SNTG2: variants seen among roughly 807,000 people sequenced by gnomAD.
The protein encoded by SNTG2 is syntrophin gamma 2, also known as gamma-2-syntrophin.
SNTG2 carries 74 observed loss-of-function variants against 70.9 expected under a neutral mutation model. The observed-to-expected ratio is 1.04, with a 90% confidence interval of 0.86 to 1.27. The LOEUF (loss-of-function observed/expected upper bound fraction) is 1.27, where lower values mean the gene tolerates loss of function less well. Among genes scored for constraint, SNTG2 ranks in the 50% most tolerant of loss-of-function variants. The pLI is 0.00. For missense variants in SNTG2, 717 were observed against 690.7 expected (o/e 1.04, Z -0.43); for synonymous variants, 278 against 273.8 (o/e 1.02, Z -0.15).
chr2:1,195,506 C>A (rs1382347791), intron 8 of SNTG2, among the ~76,000 whole-genome samples: 1 of 152,172 alleles, frequency 6.6e-6, no homozygotes, highest in East Asian at 1.9e-4. Context: ...TGGTTGTTGG[C>A]TGCATAAATG....
At chr2:1,284,127 A>G (rs540182382) in intron 14 of SNTG2, among the ~76,000 whole-genome samples, 1 of 152,076 alleles carries the variant, frequency 6.6e-6, no homozygotes, top group Non-Finnish European at 1.5e-5. Context: ...CTGGCAATTT[A>G]TTTCTCCAAA....
At chr2:1,265,031 C>T (rs905802061) in intron 13 of SNTG2, among the ~76,000 whole-genome samples, 2 of 152,204 alleles carry the variant, frequency 1.3e-5, no homozygotes, top group Admixed American at 6.5e-5. Flanking sequence ...TGAGAGTTGG[C>T]GCCCCTAACC....
chr2:981,681 G>A (rs1558292144), intron 1 of SNTG2, among the ~76,000 whole-genome samples: 1 of 152,066 alleles, frequency 6.6e-6, no homozygotes, highest in Non-Finnish European at 1.5e-5. Context: ...CTGCATACAT[G>A]TGAGTGCACA....
intron 14 of SNTG2, among the ~76,000 whole-genome samples, chr2:1,271,373 A>G (rs992763598): frequency 1.3e-5 from 2 of 152,100 alleles, no homozygotes; most frequent in Non-Finnish European, 2.9e-5. Context: ...GTACATTTTC[A>G]TGTCAATTTA....
At chr2:958,467 G>C (rs1311106976) in intron 1 of SNTG2, among the ~76,000 whole-genome samples, 1 of 152,088 alleles carries the variant, frequency 6.6e-6, no homozygotes, top group African/African-American at 2.4e-5. Flanking sequence ...CTCCAGATTT[G>C]GTGCTTCAAG....
At chr2:1,091,080 C>G (rs1485161149) in intron 2 of SNTG2, among the ~76,000 whole-genome samples, 4 of 152,070 alleles carry the variant, frequency 2.6e-5, no homozygotes, top group African/African-American at 9.7e-5. Context: ...CATGTCTGCT[C>G]TGTGATATGG....
intron 16 of SNTG2, among the ~76,000 whole-genome samples, chr2:1,329,471 GAGAA>G (rs2148281988): frequency 6.6e-6 from 1 of 152,296 alleles, no homozygotes; most frequent in Admixed American, 6.5e-5. Flanking sequence ...GGGTCAGCTT[GAGAA>G]AGAAAGTTCT....
chr2:1,145,913 T>C (rs1252972871), intron 6 of SNTG2, among the ~76,000 whole-genome samples: 2 of 152,240 alleles, frequency 1.3e-5, no homozygotes, highest in Non-Finnish European at 2.9e-5. Flanking sequence ...TGGAAATTAA[T>C]GTAATTTATC....
At chr2:1,158,744 A>G (rs1670067528) in intron 6 of SNTG2, among the ~76,000 whole-genome samples, 1 of 152,116 alleles carries the variant, frequency 6.6e-6, no homozygotes, top group Non-Finnish European at 1.5e-5. Flanking sequence ...ATAAAGGGGA[A>G]TGTAAGGCTG....
At chr2:1,218,432 C>T (rs1450991951) in intron 9 of SNTG2, among the ~76,000 whole-genome samples, 1 of 152,164 alleles carries the variant, frequency 6.6e-6, no homozygotes, top group Non-Finnish European at 1.5e-5. Flanking sequence ...TCTGGAAAGC[C>T]CATAGCACGT....
At chr2:1,161,877 A>G (rs1196729241) in intron 6 of SNTG2, among the ~76,000 whole-genome samples, 3 of 152,112 alleles carry the variant, frequency 2.0e-5, no homozygotes, top group Admixed American at 1.3e-4. Flanking sequence ...GATCGAGACC[A>G]TCCTGGCTAA....
At chr2:1,006,978 G>A (rs550504584) in intron 1 of SNTG2, among the ~76,000 whole-genome samples, 1 of 152,176 alleles carries the variant, frequency 6.6e-6, no homozygotes, top group Admixed American at 6.5e-5. Context: ...TCAGTGAGCC[G>A]AGATTGTGCC....
intron 1 of SNTG2, among the ~76,000 whole-genome samples, chr2:1,080,903 T>G (rs1664245502): frequency 6.6e-6 from 1 of 152,160 alleles, no homozygotes; most frequent in Admixed American, 6.5e-5. Context: ...GACATACTTC[T>G]GAGCTCCATT....
intron 8 of SNTG2, among the ~76,000 whole-genome samples, chr2:1,206,126 T>C (rs1673619012): frequency 6.6e-6 from 1 of 152,202 alleles, no homozygotes; most frequent in Non-Finnish European, 1.5e-5. Context: ...GGTAGGAACA[T>C]GCCTCATTAT....
At chr2:990,555 T>C (rs1661456385) in intron 1 of SNTG2, among the ~76,000 whole-genome samples, 1 of 152,184 alleles carries the variant, frequency 6.6e-6, no homozygotes, top group Admixed American at 6.5e-5. Flanking sequence ...CATGACCTAA[T>C]AATCTCCCAA....
At chr2:1,102,248 G>C (rs1259592008) in intron 4 of SNTG2, among the ~76,000 whole-genome samples, 1 of 152,182 alleles carries the variant, frequency 6.6e-6, no homozygotes. Flanking sequence ...GAGTAAGAGA[G>C]TCAGCTGAAG....
chr2:1,255,143 C>T (rs1677979369), intron 12 of SNTG2, among the ~76,000 whole-genome samples: 1 of 152,018 alleles, frequency 6.6e-6, no homozygotes. Flanking sequence ...GTCTGGATTT[C>T]AGGAAGCCAT....
At chr2:956,609 G>C (rs1432269075) in intron 1 of SNTG2, among the ~76,000 whole-genome samples, 1 of 152,254 alleles carries the variant, frequency 6.6e-6, no homozygotes, top group Non-Finnish European at 1.5e-5. Flanking sequence ...CTGTGAATGG[G>C]CCCATCTCGG....
chr2:1,030,756 GGAA>G (rs1660770927), intron 1 of SNTG2, among the ~76,000 whole-genome samples: 1 of 152,044 alleles, frequency 6.6e-6, no homozygotes, highest in African/African-American at 2.4e-5. Flanking sequence ...TTCACCTTCT[GGAA>G]CTTTCTCAAG....
Sources: allele counts gnomAD v4.1 joint callset (sites outside exome capture counted in the v4.1 genomes callset), GRCh38; gene constraint gnomAD v4.1.1; transcripts MANE v1.5; gene names NCBI Gene and HGNC (gene_info 2026-07-23, HGNC 2026-07-21).